Variants in SPEF2 observed in about 807,000 individuals in gnomAD.
SPEF2 encodes the protein sperm flagella and cilia-associated protein 2.
SPEF2 carries 187 observed loss-of-function variants against 224.6 expected under a neutral mutation model. The ratio of observed to expected loss-of-function variants is 0.83; its 90% confidence interval spans 0.74 to 0.94. The LOEUF is 0.94. Ranked by LOEUF, SPEF2 falls within the 40% of genes least tolerant of loss-of-function variation. The pLI is 0.00. For missense variants in SPEF2, 2,170 were observed against 2,135.6 expected (o/e 1.02, Z -0.32); for synonymous variants, 715 against 707.3 (o/e 1.01, Z -0.17).
intron 16 of SPEF2, among the ~76,000 whole-genome samples, chr5:35,701,453 C>T (rs1738622684): frequency 1.3e-5 from 2 of 152,044 alleles, no homozygotes; most frequent in Admixed American, 1.3e-4. Flanking sequence ...ATGCTTAGGA[C>T]AGAATCTGGC....
intron 34 of SPEF2, among the ~76,000 whole-genome samples, chr5:35,801,848 G>A (rs76519735): frequency 0.047 from 7,201 of 152,282 alleles, 249 homozygotes; most frequent in Non-Finnish European, 0.072. Flanking sequence ...GAGTTTGGTG[G>A]GGAGGAGGCA....
intron 2 of SPEF2, among the ~76,000 whole-genome samples, chr5:35,640,463 C>T (rs1008634379): frequency 1.3e-5 from 2 of 152,164 alleles, no homozygotes; most frequent in Admixed American, 6.5e-5. Flanking sequence ...CTTTCACAAT[C>T]ATATTCCTCA....
At chr5:35,704,312 A>C (rs1739311178) in intron 16 of SPEF2, among the ~76,000 whole-genome samples, 1 of 152,090 alleles carries the variant, frequency 6.6e-6, no homozygotes, top group African/African-American at 2.4e-5. Flanking sequence ...GACAATCCTG[A>C]GATCCTCTAC....
chr5:35,673,681 A>G (rs1228763620), intron 10 of SPEF2, among the ~76,000 whole-genome samples: 1 of 152,130 alleles, frequency 6.6e-6, no homozygotes, highest in Non-Finnish European at 1.5e-5. Context: ...TTTTGCCTTT[A>G]ATGGCAAATT....
chr5:35,765,855 T>C (rs980162229), intron 26 of SPEF2, among the ~76,000 whole-genome samples: 3 of 152,148 alleles, frequency 2.0e-5, no homozygotes, highest in Non-Finnish European at 4.4e-5. Flanking sequence ...TTTTCATGAA[T>C]TGTATTCTCA....
At position 35,795,210 on chromosome 5, in the gene SPEF2, A is replaced by G. The variant is rs535692090; in HGVS notation, c.4738-493A>G. ...CACCGAGATCTTGAGTCAGTCATTC[A>G]GTTACTTAACAAAGAGTTTTCTAAA... On this transcript the variant is annotated intron_variant, in intron 32 of 36. Coordinates refer to ENST00000356031, the MANE Select transcript of SPEF2 (RefSeq NM_024867.4). Among the ~76,000 whole-genome samples the G allele has an allele frequency of 6.6e-5, 10 of 152,254 alleles. No homozygotes were observed. The South Asian group carries it at 1.9e-3, about 29-fold the overall frequency.
rs73084351 is a variant in SPEF2, at chr5:35,705,780, G to A, written c.2637G>A (p.Thr879=). 2.9e-3 allele frequency: 4,326 copies of A among 1,502,324 alleles called. 124 individuals carry two copies. In the African/African-American group the frequency reaches 0.053, roughly 19 times the overall value. The allele number at this position is 1,502,324 out of a possible 1,614,324, so 93.1% of individuals were successfully genotyped here. A position where few individuals can be genotyped will look rare whatever the true frequency, so the allele number is the denominator to read the frequency against. The change falls in exon 18 of 37, where the codon ACG becomes ACA. Residue 879 remains threonine, a synonymous_variant. Transcript: ENST00000356031. The part of the protein sequence containing the change: ...SLCEKVKEIL[T]TEIAKKKNKV... The stretch of plus-strand genomic sequence containing the variant: ...GTGAAAAAGTAAAAGAAATTCTTAC[G>A]ACTGAAATAGCAAAAAAAAAGAATA...
chr5:35,713,312 G>A (rs748002396), intron 20 of SPEF2, among the ~76,000 whole-genome samples: 7 of 151,952 alleles, frequency 4.6e-5, no homozygotes, highest in Non-Finnish European at 1.0e-4. Context: ...AAGGAGCCTT[G>A]GTACAATACT....
At chr5:35,772,092 T>C (rs1752937641) in intron 27 of SPEF2, among the ~76,000 whole-genome samples, 1 of 152,232 alleles carries the variant, frequency 6.6e-6, no homozygotes, top group African/African-American at 2.4e-5. Flanking sequence ...AAGAGAAGTT[T>C]AAAAGCTATG....
chr5:35,652,355 C>T (rs1002604447), intron 6 of SPEF2, among the ~76,000 whole-genome samples: 1 of 152,056 alleles, frequency 6.6e-6, no homozygotes, highest in Non-Finnish European at 1.5e-5. Context: ...GGAGCTTTTA[C>T]ACAACACACT....
At chr5:35,639,677 A>G (rs921427416) in intron 2 of SPEF2, among the ~76,000 whole-genome samples, 2 of 149,976 alleles carry the variant, frequency 1.3e-5, no homozygotes. Flanking sequence ...TTTTTTTTTT[A>G]AAGTAAATAG....
At chr5:35,735,658 C>T (rs555961233) in intron 21 of SPEF2, among the ~76,000 whole-genome samples, 4 of 152,144 alleles carry the variant, frequency 2.6e-5, no homozygotes, top group Admixed American at 6.5e-5. Context: ...TGAATAAATG[C>T]GCAGCCAATA....
intron 2 of SPEF2, among the ~76,000 whole-genome samples, chr5:35,630,010 G>A (rs1744856724): frequency 6.6e-6 from 1 of 152,140 alleles, no homozygotes; most frequent in Admixed American, 6.5e-5. Flanking sequence ...ACCCTCTACA[G>A]ATATCAAAAC....
intron 33 of SPEF2, among the ~76,000 whole-genome samples, chr5:35,799,570 C>T (rs1054441859): frequency 6.6e-6 from 1 of 152,022 alleles, no homozygotes; most frequent in African/African-American, 2.4e-5. Flanking sequence ...CCTTTCACTC[C>T]CCACAGAGAC....
chr5:35,780,856 A>T (rs1373557478), intron 30 of SPEF2, among the ~76,000 whole-genome samples: 1 of 152,202 alleles, frequency 6.6e-6, no homozygotes, highest in Non-Finnish European at 1.5e-5. Flanking sequence ...TGGATTTTGA[A>T]AATTATCATC....
rs186404784 is a variant in SPEF2, at chr5:35,777,264, C to A, written c.4217+869C>A. On this transcript the variant is annotated intron_variant, in intron 29 of 36. Coordinates refer to ENST00000356031, the MANE Select transcript of SPEF2 (RefSeq NM_024867.4). ...CTGGTCCTTGTCTCATAGTGAAGTTCTTTTGTAAAGTCTTCAGCCTAGTTG... is the reference window on the plus strand; with the variant it reads ...CTGGTCCTTGTCTCATAGTGAAGTTATTTTGTAAAGTCTTCAGCCTAGTTG... Among the ~76,000 whole-genome samples the A allele has an allele frequency of 4.9e-3, 743 of 152,236 alleles. 6 individuals are homozygous for A. The highest frequency in any genetic ancestry group is 0.018 in the African/African-American group (728 of 41,544).
rs764438136 is a variant in SPEF2 at position 35,641,598 on chromosome 5, G to A, written c.329G>A (p.Ser110Asn). ...LYIALQKKKK[S>N]GLTGVEMQTM... The stretch of plus-strand genomic sequence containing the variant: ...ATTGCTCTTCAGAAAAAGAAGAAAA[G>A]TGGACTGACTGGAGTGGAGATGCAA... Residue 110 changes from serine (S) to asparagine (N), a missense_variant, in exon 3 of 37, where the codon AGT becomes AAT. By Grantham distance (46) the Ser-to-Asn change is conservative (BLOSUM62 1). Coordinates refer to ENST00000356031, the MANE Select transcript of SPEF2 (RefSeq NM_024867.4). 4 of 1,613,752 alleles carry A rather than the reference G, an allele frequency of 2.5e-6. No homozygotes were observed. The South Asian group carries it at 4.4e-5, about 18-fold the overall frequency.
Position 35,641,355 on chromosome 5 carries a change from A to T in SPEF2, c.162-76A>T. On this transcript the variant is annotated intron_variant, in intron 2 of 36. Transcript: ENST00000356031. ...AAATAATTCAAAATATTGGATAATGATAATATGTCTGATATTTGTTGTTTG... is the reference window on the plus strand; with the variant it reads ...AAATAATTCAAAATATTGGATAATGTTAATATGTCTGATATTTGTTGTTTG... The T allele has an allele frequency of 3.4e-6, 5 of 1,454,292 alleles. No individual in the cohort carries two copies. The South Asian group carries it at 5.3e-5, about 15-fold the overall frequency. The allele number at this position is 1,454,292 out of a possible 1,614,324, so 90.1% of individuals were successfully genotyped here.
At chr5:35,664,449 G>T (rs1182396826) in intron 8 of SPEF2, among the ~76,000 whole-genome samples, 1 of 152,056 alleles carries the variant, frequency 6.6e-6, no homozygotes, top group African/African-American at 2.4e-5. Flanking sequence ...CCACCACTTT[G>T]GGAGGCCAAG....
Sources: allele counts gnomAD v4.1 joint callset (sites outside exome capture counted in the v4.1 genomes callset), GRCh38; gene constraint gnomAD v4.1.1; transcripts MANE v1.5; gene names NCBI Gene and HGNC (gene_info 2026-07-23, HGNC 2026-07-21).